The following CNBD1 variants were observed in gnomAD, a reference collection of about 807,000 sequenced individuals.
The protein encoded by CNBD1 is cyclic nucleotide binding domain containing 1.
A neutral mutation model predicts 54.4 loss-of-function variants in CNBD1; 71 were observed. The ratio of observed to expected loss-of-function variants is 1.30; its 90% confidence interval spans 1.08 to 1.59. The LOEUF (loss-of-function observed/expected upper bound fraction) is 1.59. Among genes scored for constraint, CNBD1 ranks in the 40% most tolerant of loss-of-function variants. The probability of loss-of-function intolerance (pLI) is 0.00; values close to 1 mark genes in which losing one functional copy is unlikely to be tolerated. For missense variants in CNBD1, 659 were observed against 518.0 expected (o/e 1.27, Z -2.64); for synonymous variants, 182 against 170.7 (o/e 1.07, Z -0.51).
At chr8:87,044,519 G>A (rs916917865) in intron 4 of CNBD1, 2 of 152,018 alleles carry the variant, frequency 1.3e-5, no homozygotes, top group African/African-American at 2.4e-5. Context: ...CATAGCAGAG[G>A]GATCCTGGAC....
intron 8 of CNBD1, among the ~76,000 whole-genome samples, chr8:87,309,881 A>G (rs1283255879): frequency 6.6e-6 from 1 of 152,148 alleles, no homozygotes; most frequent in Non-Finnish European, 1.5e-5. Context: ...CAAATAGGAA[A>G]AGAATAAGTC....
At chr8:86,974,055 A>T (rs1808285248) in intron 4 of CNBD1, among the ~76,000 whole-genome samples, 1 of 152,100 alleles carries the variant, frequency 6.6e-6, no homozygotes, top group Non-Finnish European at 1.5e-5. Flanking sequence ...GGTTACTAAG[A>T]GGATGGGGAA....
chr8:87,274,562 G>T (rs1808437401), intron 6 of CNBD1, among the ~76,000 whole-genome samples: 1 of 147,538 alleles, frequency 6.8e-6, no homozygotes, highest in Admixed American at 6.7e-5. Flanking sequence ...CTACATAAAT[G>T]TCTTCTTTTG....
At chr8:87,412,550 T>C (rs76005043) in intron 2 of CNBD1, among the ~76,000 whole-genome samples, 2,766 of 152,204 alleles carry the variant, frequency 0.018, 84 homozygotes, top group African/African-American at 0.06. Flanking sequence ...TGAGGCTAAA[T>C]TTCACCAAGA....
At chr8:86,873,674 A>G (rs1039275518) in intron 1 of CNBD1, among the ~76,000 whole-genome samples, 1 of 152,078 alleles carries the variant, frequency 6.6e-6, no homozygotes, top group East Asian at 1.9e-4. Flanking sequence ...CCTTGAATTT[A>G]TGTAAGTGTT....
intron 4 of CNBD1, among the ~76,000 whole-genome samples, chr8:87,171,542 T>A (rs1372901495): frequency 6.6e-6 from 1 of 152,020 alleles, no homozygotes; most frequent in Non-Finnish European, 1.5e-5. Context: ...TATTTCTTTT[T>A]TTCTATTAAT....
chr8:87,019,065 A>C (rs908089033), intron 4 of CNBD1, among the ~76,000 whole-genome samples: 1 of 152,234 alleles, frequency 6.6e-6, no homozygotes, highest in Non-Finnish European at 1.5e-5. Context: ...ATGAGTTGTA[A>C]AAATAAATCT....
At chr8:87,328,095 C>T (rs1392904079) in intron 8 of CNBD1, among the ~76,000 whole-genome samples, 1 of 151,816 alleles carries the variant, frequency 6.6e-6, no homozygotes, top group Non-Finnish European at 1.5e-5. Flanking sequence ...GTTTTAAGAC[C>T]CACATGCATT....
intron 4 of CNBD1, among the ~76,000 whole-genome samples, chr8:87,017,629 G>A (rs747360312): frequency 6.6e-6 from 1 of 152,206 alleles, no homozygotes; most frequent in Non-Finnish European, 1.5e-5. Flanking sequence ...CTAAACTCCA[G>A]TGCCTAATAG....
downstream of CNBD1, among the ~76,000 whole-genome samples, chr8:87,387,734 C>T (rs1698435703): frequency 1.3e-5 from 2 of 152,182 alleles, no homozygotes; most frequent in African/African-American, 4.8e-5. Context: ...AGGAACTCAA[C>T]TCAACTCTGC....
chr8:87,278,962 C>T (rs906909227), intron 6 of CNBD1, among the ~76,000 whole-genome samples: 1 of 151,258 alleles, frequency 6.6e-6, no homozygotes, highest in African/African-American at 2.4e-5. Flanking sequence ...GTTTCAGTAA[C>T]CTGAGGTCAA....
At chr8:87,247,034 G>C (rs1278530405) in intron 6 of CNBD1, among the ~76,000 whole-genome samples, 1 of 152,050 alleles carries the variant, frequency 6.6e-6, no homozygotes, top group Non-Finnish European at 1.5e-5. Flanking sequence ...TTTGGTTACT[G>C]TCACTACAGA....
intron 2 of CNBD1, among the ~76,000 whole-genome samples, chr8:87,412,981 CTAG>C (rs1807773780): frequency 6.6e-6 from 1 of 151,960 alleles, no homozygotes; most frequent in African/African-American, 2.4e-5. Context: ...TGAAGATAAG[CTAG>C]TAATTGATAT....
intron 4 of CNBD1, among the ~76,000 whole-genome samples, chr8:87,035,985 A>G (rs1809931706): frequency 6.6e-6 from 1 of 152,226 alleles, no homozygotes; most frequent in Non-Finnish European, 1.5e-5. Context: ...ACATATCTAC[A>G]GGCCAGAACT....
chr8:86,904,781 T>A (rs183212734), intron 2 of CNBD1, among the ~76,000 whole-genome samples: 94 of 152,232 alleles, frequency 6.2e-4, no homozygotes, highest in African/African-American at 2.1e-3. Context: ...AATTCTGTAG[T>A]ACATTATATA....
chr8:87,231,446 C>T (rs1239461728), intron 5 of CNBD1, among the ~76,000 whole-genome samples: 1 of 152,182 alleles, frequency 6.6e-6, no homozygotes, highest in Non-Finnish European at 1.5e-5. Flanking sequence ...TCTACCACTA[C>T]TAGCTCATCA....
At chr8:86,884,008 C>CG (rs1563809847) in intron 1 of CNBD1, among the ~76,000 whole-genome samples, 1 of 151,714 alleles carries the variant, frequency 6.6e-6, no homozygotes, top group Non-Finnish European at 1.5e-5. Flanking sequence ...AAAAATTAGC[C>CG]GGGCGTAGTG....
Position 86,938,760 on chromosome 8 carries a change from C to A in CNBD1, c.273-836C>A, listed in dbSNP as rs576094662. On this transcript the variant is annotated intron_variant, in intron 3 of 10. Coordinates refer to ENST00000518476, the MANE Select transcript of CNBD1 (RefSeq NM_173538.3). ...GATTTGGGTGGGGACACAGCCAAAC[C>A]ATATCACATGGTTAGTGTTAACAGG... 3.3e-5 allele frequency among the ~76,000 whole-genome samples: 5 copies of A among 152,254 alleles called. No homozygotes were observed. In the South Asian group the frequency reaches 1.0e-3, roughly 32 times the overall value.
chr8:87,386,693 A>T (rs1246029395), downstream of CNBD1, among the ~76,000 whole-genome samples: 1 of 152,254 alleles, frequency 6.6e-6, no homozygotes, highest in African/African-American at 2.4e-5. Flanking sequence ...GCAGGATATT[A>T]ACCAGGAGAA....
Sources: allele counts gnomAD v4.1 joint callset (sites outside exome capture counted in the v4.1 genomes callset), GRCh38; gene constraint gnomAD v4.1.1; transcripts MANE v1.5; gene names NCBI Gene and HGNC (gene_info 2026-07-23, HGNC 2026-07-21).